The following FKBP5 variants were observed in gnomAD, a reference collection of about 807,000 sequenced individuals.
The protein encoded by FKBP5 is FKBP prolyl isomerase 5, also known as peptidyl-prolyl cis-trans isomerase FKBP5.
FKBP5 carries 23 observed loss-of-function variants against 50.5 expected under a neutral mutation model. That is an observed-to-expected ratio of 0.46 (90% CI 0.33 to 0.65). The LOEUF (loss-of-function observed/expected upper bound fraction) is 0.65, where lower values mean the gene tolerates loss of function less well. Among genes scored for constraint, FKBP5 ranks in the 30% least tolerant of loss-of-function variants. The pLI is 0.02. For synonymous variants in FKBP5, 176 were observed against 190.6 expected (o/e 0.92, Z 0.63); for missense variants, 411 against 553.1 (o/e 0.74, Z 2.58).
chr6:35,717,440 CATGCCCATGT>C (rs770360514), intron 2 of FKBP5, among the ~76,000 whole-genome samples: 3 of 152,216 alleles, frequency 2.0e-5, no homozygotes, highest in Admixed American at 1.3e-4. Context: ...TGTGGGGCTA[CATGCCCATGT>C]ATGCATCTGT....
intron 2 of FKBP5, among the ~76,000 whole-genome samples, chr6:35,699,297 T>C (rs185220933): frequency 1.4e-3 from 218 of 152,290 alleles, no homozygotes; most frequent in African/African-American, 4.8e-3. Flanking sequence ...AGGGCAAATA[T>C]GGAAATTGTC....
intron 5 of FKBP5, among the ~76,000 whole-genome samples, chr6:35,612,577 G>C (rs1763522940): frequency 6.6e-6 from 1 of 152,194 alleles, no homozygotes; most frequent in African/African-American, 2.4e-5. Flanking sequence ...CCTGAGACTG[G>C]GTAATTTATA....
rs532669774 is a variant in FKBP5, at chr6:35,651,095, T to C, written c.-19-8252A>G. Among the ~76,000 whole-genome samples the C allele has an allele frequency of 4.6e-5, 7 of 152,296 alleles. No individual in the cohort carries two copies. The South Asian group carries it at 6.2e-4, about 14-fold the overall frequency. The stretch of plus-strand genomic sequence containing the variant: ...GTGAGTTGCAGAATGATTTGTAACA[T>C]GATCCTATTTCCAAGAGGAAAAAAG... On this transcript the variant is annotated intron_variant, in intron 1 of 10. Coordinates refer to ENST00000357266, the MANE Select transcript of FKBP5 (RefSeq NM_004117.4).
At chr6:35,598,182 C>G in intron 5 of FKBP5, among the ~76,000 whole-genome samples, 1 of 152,084 alleles carries the variant, frequency 6.6e-6, no homozygotes, top group East Asian at 1.9e-4. Context: ...TATTTTAAGA[C>G]AAAATAGAAA....
intron 5 of FKBP5, among the ~76,000 whole-genome samples, chr6:35,614,817 T>C (rs1763594598): frequency 6.6e-6 from 1 of 152,142 alleles, no homozygotes; most frequent in Non-Finnish European, 1.5e-5. Context: ...TGAGTATCCC[T>C]GGTTTTTAAC....
In FKBP5 at chr6:35,650,316, A is replaced by G. The variant is rs951610777; in HGVS notation, c.-19-7473T>C. Among the ~76,000 whole-genome samples the G allele has an allele frequency of 3.0e-3, 429 of 143,974 alleles. 1 individual carries two copies. The highest frequency in any genetic ancestry group is 0.01 in the African/African-American group (405 of 39,588). The allele number at this position is 143,974 out of a possible 152,430, so 94.5% of individuals were successfully genotyped here. A position where few individuals can be genotyped will look rare whatever the true frequency, so the allele number is the denominator to read the frequency against. On this transcript the variant is annotated intron_variant, in intron 1 of 10. Transcript: ENST00000357266. ...ATATTGTCCAAAAAAAAAAAAAAAAAGGAAAAAAGAATAGCATTGTAGTAA... is the reference window on the plus strand; with the variant it reads ...ATATTGTCCAAAAAAAAAAAAAAAAGGGAAAAAAGAATAGCATTGTAGTAA...
At chr6:35,618,518 C>T (rs760203597) in intron 5 of FKBP5, among the ~76,000 whole-genome samples, 5 of 151,552 alleles carry the variant, frequency 3.3e-5, no homozygotes, top group East Asian at 3.9e-4. Flanking sequence ...ACTACAGGGA[C>T]GTGACACCAC....
intron 8 of FKBP5, chr6:35,583,240 T>C (rs1762496126): frequency 1.0e-6 from 1 of 985,314 alleles, no homozygotes; most frequent in Non-Finnish European, 1.2e-6. Context: ...TCCTCCTCCC[T>C]CTCTAATGCA....
At chr6:35,616,060 C>G (rs1238241229) in intron 5 of FKBP5, among the ~76,000 whole-genome samples, 1 of 152,092 alleles carries the variant, frequency 6.6e-6, no homozygotes, top group East Asian at 1.9e-4. Context: ...TGCCTGTAAT[C>G]CCAGCATTTT....
chr6:35,706,205 C>CA (rs2151020371), intron 2 of FKBP5, among the ~76,000 whole-genome samples: 1 of 152,196 alleles, frequency 6.6e-6, no homozygotes, highest in South Asian at 2.1e-4. Context: ...GGGCAGATCA[C>CA]CTGAGGTCAG....
upstream of FKBP5, among the ~76,000 whole-genome samples, chr6:35,690,577 G>A (rs1201559627): frequency 6.6e-6 from 1 of 152,162 alleles, no homozygotes. Flanking sequence ...TCAGTGCCTA[G>A]AAGCTTCCCT....
intron 2 of FKBP5, among the ~76,000 whole-genome samples, chr6:35,697,521 T>C (rs1766103598): frequency 2.3e-5 from 3 of 130,476 alleles, no homozygotes; most frequent in South Asian, 4.7e-4. Flanking sequence ...CACTCCAGCC[T>C]GGGCAACGAG....
chr6:35,648,007 T>A (rs1764677203), intron 1 of FKBP5, among the ~76,000 whole-genome samples: 1 of 152,204 alleles, frequency 6.6e-6, no homozygotes, highest in Non-Finnish European at 1.5e-5. Context: ...TTCAGGTTTC[T>A]TAAGTATTTT....
intron 5 of FKBP5, among the ~76,000 whole-genome samples, chr6:35,610,407 A>C (rs113080387): frequency 0.072 from 10,967 of 151,714 alleles, 783 homozygotes; most frequent in African/African-American, 0.2. Flanking sequence ...TCTACTAAAA[A>C]TACAAAAAAA....
At chr6:35,576,889 C>G (rs1464522763) in intron 10 of FKBP5, 105 bp downstream of exon 10, 22 of 1,403,050 alleles carry the variant, frequency 1.6e-5, no homozygotes, top group Middle Eastern at 2.6e-4. Flanking sequence ...AATCGTTTTC[C>G]CTGCTCTTGA....
chr6:35,694,203 T>A (rs550423690), intron 2 of FKBP5, among the ~76,000 whole-genome samples: 1 of 152,200 alleles, frequency 6.6e-6, no homozygotes, highest in South Asian at 2.1e-4. Flanking sequence ...CGGAGTGCGG[T>A]GGCGTGATCA....
At chr6:35,677,362 C>T (rs932313242) in intron 1 of FKBP5, among the ~76,000 whole-genome samples, 1 of 152,206 alleles carries the variant, frequency 6.6e-6, no homozygotes, top group Non-Finnish European at 1.5e-5. Context: ...CATGAGCCAC[C>T]ACACCCAGCC....
chr6:35,576,049 T>C lies in FKBP5; in HGVS notation c.1267-107A>G, dbSNP rs912401496. 24 of 806,500 alleles carry C rather than the reference T, an allele frequency of 3.0e-5. No individual in the cohort carries two copies. The African/African-American group carries it at 3.7e-4, about 12-fold the overall frequency. The allele number at this position is 806,500 out of a possible 1,614,324, so 50.0% of individuals were successfully genotyped here. A position where few individuals can be genotyped will look rare whatever the true frequency, so the allele number is the denominator to read the frequency against. ...TCCCAAACACGAGGTATTGCAATGA[T>C]TTTCTCTAGGATATCTAGCTGGGTA... is the stretch of plus-strand genomic sequence containing the variant. On this transcript the variant is annotated intron_variant, in intron 10 of 10. Transcript: ENST00000357266.
intron 1 of FKBP5, among the ~76,000 whole-genome samples, chr6:35,723,112 A>G (rs1006817250): frequency 6.6e-6 from 1 of 152,198 alleles, no homozygotes; most frequent in African/African-American, 2.4e-5. Context: ...GGGGGCCTGT[A>G]ATCCCAGCTA....
Sources: allele counts gnomAD v4.1 joint callset (sites outside exome capture counted in the v4.1 genomes callset), GRCh38; gene constraint gnomAD v4.1.1; transcripts MANE v1.5; gene names NCBI Gene and HGNC (gene_info 2026-07-23, HGNC 2026-07-21).